The following AKAIN1 variants were observed in gnomAD, a reference collection of about 807,000 sequenced individuals.
AKAIN1 encodes the protein A-kinase anchor inhibitor 1.
A neutral mutation model predicts 3.7 loss-of-function variants in AKAIN1; 3 were observed. That is an observed-to-expected ratio of 0.82 (90% CI 0.37 to 2.12). AKAIN1 has a LOEUF of 2.12. AKAIN1 is among the 30% of genes most tolerant of loss of function. AKAIN1 has a pLI of 0.06. For synonymous variants in AKAIN1, 31 were observed against 30.8 expected (o/e 1.01, Z -0.02); for missense variants, 82 against 82.7 (o/e 0.99, Z 0.03).
At chr18:5,174,566 C>G (rs2071215331) in intron 1 of AKAIN1, among the ~76,000 whole-genome samples, 1 of 152,060 alleles carries the variant, frequency 6.6e-6, no homozygotes, top group Admixed American at 6.6e-5. Context: ...CATGGCAAAA[C>G]CCTATCCCTA....
intron 1 of AKAIN1, among the ~76,000 whole-genome samples, chr18:5,146,820 A>G (rs1035556709): frequency 6.6e-6 from 1 of 152,234 alleles, no homozygotes; most frequent in Non-Finnish European, 1.5e-5. Context: ...CTTTCATTCA[A>G]TAAAACTTTA....
At chr18:5,177,311 T>C (rs1266480516) in intron 1 of AKAIN1, among the ~76,000 whole-genome samples, 1 of 152,114 alleles carries the variant, frequency 6.6e-6, no homozygotes, top group Non-Finnish European at 1.5e-5. Context: ...TTAGGTAAAC[T>C]GAGATTCAGA....
intron 1 of AKAIN1, among the ~76,000 whole-genome samples, chr18:5,177,812 T>C (rs567707424): frequency 6.6e-6 from 1 of 152,276 alleles, no homozygotes; most frequent in Non-Finnish European, 1.5e-5. Flanking sequence ...GGTATGCCCT[T>C]CTGAAATGTG....
intron 1 of AKAIN1, among the ~76,000 whole-genome samples, chr18:5,150,575 C>T (rs564306596): frequency 2.6e-5 from 4 of 152,250 alleles, no homozygotes; most frequent in South Asian, 4.1e-4. Flanking sequence ...CTTTCCACCT[C>T]GGATTTTTAC....
At chr18:5,177,592 C>A (rs2071233574) in intron 1 of AKAIN1, among the ~76,000 whole-genome samples, 1 of 151,992 alleles carries the variant, frequency 6.6e-6, no homozygotes, top group Non-Finnish European at 1.5e-5. Context: ...ACCCTCTAAA[C>A]AAAGTAAGAT....
At chr18:5,163,599 C>T (rs746696796) in intron 1 of AKAIN1, 13 of 152,050 alleles carry the variant, frequency 8.5e-5, no homozygotes, top group Non-Finnish European at 1.6e-4. Context: ...TGTCAAATTA[C>T]AAGCTCTTAT....
chr18:5,194,449 A>AC (rs141060603), intron 1 of AKAIN1, among the ~76,000 whole-genome samples: 6,791 of 152,322 alleles, frequency 0.045, 247 homozygotes, highest in South Asian at 0.07. Flanking sequence ...AGAATATGTT[A>AC]TGGCATATAA....
chr18:5,194,296 T>C (rs1567881513), intron 1 of AKAIN1, among the ~76,000 whole-genome samples: 1 of 152,064 alleles, frequency 6.6e-6, no homozygotes, highest in Non-Finnish European at 1.5e-5. Context: ...CCTCCTAAAT[T>C]ATAGTCTATT....
intron 1 of AKAIN1, among the ~76,000 whole-genome samples, chr18:5,158,202 G>C (rs2071119407): frequency 6.6e-6 from 1 of 152,202 alleles, no homozygotes; most frequent in Non-Finnish European, 1.5e-5. Flanking sequence ...GGCTGTGAAA[G>C]TCACTGTTTT....
intron 1 of AKAIN1, among the ~76,000 whole-genome samples, chr18:5,174,091 A>G (rs1305664875): frequency 6.6e-6 from 1 of 152,032 alleles, no homozygotes; most frequent in East Asian, 1.9e-4. Flanking sequence ...CTTTTCTCCC[A>G]TGAACATCCT....
intron 1 of AKAIN1, among the ~76,000 whole-genome samples, chr18:5,189,756 C>CTTTT (rs112388700): frequency 6.7e-6 from 1 of 148,690 alleles, no homozygotes; most frequent in Non-Finnish European, 1.5e-5. Flanking sequence ...CTACAGCTCT[C>CTTTT]TTTTTTTTTT....
intron 1 of AKAIN1, among the ~76,000 whole-genome samples, chr18:5,168,757 T>A (rs975743258): frequency 6.6e-6 from 1 of 151,532 alleles, no homozygotes; most frequent in African/African-American, 2.4e-5. Context: ...CAGGGCAGAC[T>A]CTCATAAACC....
chr18:5,192,355 C>T (rs1267296164), intron 1 of AKAIN1, among the ~76,000 whole-genome samples: 1 of 152,052 alleles, frequency 6.6e-6, no homozygotes, highest in Non-Finnish European at 1.5e-5. Flanking sequence ...GTAGCTGGAA[C>T]TACAGGCATG....
intron 1 of AKAIN1, among the ~76,000 whole-genome samples, chr18:5,164,290 T>G (rs1209346359): frequency 6.6e-6 from 1 of 152,084 alleles, no homozygotes; most frequent in East Asian, 1.9e-4. Context: ...ACAAAGTTCT[T>G]TTGCCTTAAC....
At chr18:5,153,360 G>C (rs1348052927) in intron 1 of AKAIN1, among the ~76,000 whole-genome samples, 1 of 152,126 alleles carries the variant, frequency 6.6e-6, no homozygotes, top group Admixed American at 6.5e-5. Flanking sequence ...CAAGCAATAA[G>C]ATGGATCTAA....
chr18:5,181,258 C>T (rs2071256822), intron 1 of AKAIN1, among the ~76,000 whole-genome samples: 1 of 152,134 alleles, frequency 6.6e-6, no homozygotes, highest in South Asian at 2.1e-4. Context: ...CACCACTGCA[C>T]TCCTGCCTGG....
At chr18:5,153,722 C>T (rs1349954824) in intron 1 of AKAIN1, among the ~76,000 whole-genome samples, 1 of 152,178 alleles carries the variant, frequency 6.6e-6, no homozygotes, top group African/African-American at 2.4e-5. Flanking sequence ...ATGATAGATA[C>T]TATAATGATG....
intron 1 of AKAIN1, among the ~76,000 whole-genome samples, chr18:5,183,861 G>C (rs902616714): frequency 2.6e-5 from 4 of 151,984 alleles, no homozygotes; most frequent in Non-Finnish European, 4.4e-5. Context: ...ATATGCTGTT[G>C]ATTCATTAAC....
At chr18:5,174,899 G>C (rs1325723306) in intron 1 of AKAIN1, among the ~76,000 whole-genome samples, 1 of 152,130 alleles carries the variant, frequency 6.6e-6, no homozygotes, top group Non-Finnish European at 1.5e-5. Context: ...AACCTTTCCA[G>C]GGTGGTCACT....
Sources: gnomAD v4.1 joint callset for allele counts (sites outside exome capture counted in the v4.1 genomes callset) on GRCh38, gnomAD v4.1.1 for gene constraint, MANE v1.5 for transcripts, NCBI Gene and HGNC (gene_info 2026-07-23, HGNC 2026-07-21) for gene names.